MCCC1: variants seen among roughly 807,000 people sequenced by gnomAD.
The protein encoded by MCCC1 is methylcrotonyl-CoA carboxylase subunit 1.
Under a neutral mutation model 83.8 loss-of-function variants are expected in MCCC1, and 64 were observed. The observed-to-expected ratio is 0.76, with a 90% CI of 0.62 to 0.94. MCCC1 has a LOEUF of 0.94. Ranked by LOEUF, MCCC1 falls within the 40% of genes least tolerant of loss-of-function variation. The probability of loss-of-function intolerance (pLI) is 0.00; values close to 1 mark genes in which losing one functional copy is unlikely to be tolerated. For missense variants in MCCC1, 807 were observed against 904.7 expected (o/e 0.89, Z 1.39); for synonymous variants, 322 against 315.4 (o/e 1.02, Z -0.22).
intron 18 of MCCC1, 48 bp from the exon 19 acceptor site, chr3:183,015,614 G>A (rs1711551065): frequency 1.9e-6 from 3 of 1,611,512 alleles, no homozygotes; most frequent in Non-Finnish European, 2.5e-6. Flanking sequence ...TACTAATGAG[G>A]ACTGAGTATA....
chr3:183,058,985 T>C (rs1715631998), intron 7 of MCCC1, among the ~76,000 whole-genome samples: 2 of 152,232 alleles, frequency 1.3e-5, no homozygotes, highest in South Asian at 4.1e-4. Flanking sequence ...GTTTACTTCA[T>C]GAAGTATTTT....
intron 1 of MCCC1, among the ~76,000 whole-genome samples, chr3:183,108,762 G>A (rs1284010114): frequency 2.0e-5 from 3 of 152,148 alleles, no homozygotes; most frequent in Non-Finnish European, 2.9e-5. Flanking sequence ...TGGGGCAAGG[G>A]CAGTTATACT....
Position 183,022,518 on chromosome 3 carries a change from A to T in MCCC1, c.1768T>A (p.Tyr590Asn). The T allele has an allele frequency of 6.2e-7, 1 of 1,613,884 alleles. No homozygotes were observed. Among genetic ancestry groups the T allele is most frequent in the Non-Finnish European group, 8.5e-7 (1 of 1,179,774 alleles). Residue 590 changes from tyrosine (Y) to asparagine (N), a missense_variant, in exon 16 of 19, where the codon TAC (tyrosine) becomes AAC (asparagine). By Grantham distance (143) the Tyr-to-Asn change is moderately radical. Transcript: ENST00000265594. ...DKTFQVLGNL[Y>N]SEGDCTYLKC... ...AGGTAAGTGCAGTCTCCCTCGCTGT[A>T]AAGATTACCAAGGACTTGGAAAGTT...
At chr3:183,098,604 A>G (rs919943924) in intron 1 of MCCC1, 3 of 152,316 alleles carry the variant, frequency 2.0e-5, no homozygotes, top group African/African-American at 7.2e-5. Flanking sequence ...ATAACGATGA[A>G]GCAAAAGAAG....
intron 8 of MCCC1, among the ~76,000 whole-genome samples, chr3:183,052,809 C>CAAAA (rs71185624): frequency 4.5e-5 from 3 of 66,630 alleles, no homozygotes; most frequent in Admixed American, 2.6e-4. Context: ...GACTTTGTCT[C>CAAAA]AAAAAAAAAA....
chr3:183,063,258 A>G (rs1715988491), intron 7 of MCCC1, among the ~76,000 whole-genome samples: 1 of 152,198 alleles, frequency 6.6e-6, no homozygotes, highest in Non-Finnish European at 1.5e-5. Flanking sequence ...CTGTGATTAC[A>G]GGCGTGAGCC....
intron 8 of MCCC1, among the ~76,000 whole-genome samples, chr3:183,053,444 T>C (rs1338802997): frequency 1.3e-5 from 2 of 152,030 alleles, no homozygotes; most frequent in East Asian, 1.9e-4. Context: ...ACCATGTTTG[T>C]GCCACTGCAC....
intron 11 of MCCC1, among the ~76,000 whole-genome samples, chr3:183,040,727 CAAAAACAAACAA>C (rs1363189234): frequency 6.6e-6 from 1 of 151,790 alleles, no homozygotes; most frequent in Non-Finnish European, 1.5e-5. Context: ...GTCTCAAAAA[CAAAAACAAACAA>C]AAAAACAAAC....
At chr3:183,063,390 C>T (rs1032993060) in intron 7 of MCCC1, among the ~76,000 whole-genome samples, 1 of 151,982 alleles carries the variant, frequency 6.6e-6, no homozygotes, top group Non-Finnish European at 1.5e-5. Flanking sequence ...GTTTCTTATC[C>T]CAGTCTTTCA....
intron 7 of MCCC1, among the ~76,000 whole-genome samples, chr3:183,060,551 T>C (rs2108509846): frequency 6.6e-6 from 1 of 152,308 alleles, no homozygotes; most frequent in East Asian, 1.9e-4. Context: ...TTCCATGTTT[T>C]CCAATATGTT....
chr3:183,090,485 G>A (rs1481955329), intron 3 of MCCC1, among the ~76,000 whole-genome samples: 1 of 152,164 alleles, frequency 6.6e-6, no homozygotes, highest in Non-Finnish European at 1.5e-5. Flanking sequence ...TGCACACAAT[G>A]TGGAATGATT....
intron 13 of MCCC1, among the ~76,000 whole-genome samples, chr3:183,035,311 T>C (rs1713476799): frequency 6.6e-6 from 1 of 152,188 alleles, no homozygotes; most frequent in African/African-American, 2.4e-5. Flanking sequence ...AAAATGAGGA[T>C]AGAGCACAAA....
chr3:183,109,901 A>G (rs1294565033), intron 1 of MCCC1, among the ~76,000 whole-genome samples: 1 of 152,184 alleles, frequency 6.6e-6, no homozygotes, highest in Admixed American at 6.5e-5. Context: ...TTTTCTCTAC[A>G]GCCTCACTGT....
At position 183,025,786 on chromosome 3, in the gene MCCC1, G is replaced by A. The variant is rs762639338; in HGVS notation, c.1700C>T (p.Thr567Met). The change falls in exon 15 of 19, where the codon ACG (threonine) becomes ATG (methionine). Residue 567 changes from threonine (T) to methionine (M), a missense_variant. By Grantham distance (81) the Thr-to-Met change is moderately conservative (BLOSUM62 -1). Transcript: ENST00000265594. ...GCTATAAGACCCATCATGGTTATAC[G>A]TTACAGCTATGGCTACATCTTTATG... ...DGKNNVAIAV[T>M]YNHDGSYSMQ... The A allele has an allele frequency of 3.9e-5, 63 of 1,613,534 alleles. No individual in the cohort carries two copies. The highest frequency in any genetic ancestry group is 8.0e-5 in the African/African-American group (6 of 74,886).
chr3:183,025,299 T>G (rs1463378403), intron 15 of MCCC1, among the ~76,000 whole-genome samples: 1 of 152,272 alleles, frequency 6.6e-6, no homozygotes, highest in East Asian at 1.9e-4. Context: ...CTACATTATG[T>G]GTATTTCACC....
At chr3:183,104,105 C>T (rs1407341920), upstream of MCCC1, among the ~76,000 whole-genome samples, 1 of 152,180 alleles carries the variant, frequency 6.6e-6, no homozygotes, top group Non-Finnish European at 1.5e-5. Context: ...CGCGCGCAGC[C>T]CCGGTTCCCG....
chr3:183,018,661 T>C (rs1711893602), intron 17 of MCCC1, among the ~76,000 whole-genome samples: 1 of 150,684 alleles, frequency 6.6e-6, no homozygotes, highest in African/African-American at 2.5e-5. Flanking sequence ...TGAAATCCTT[T>C]CATTTTTTTC....
At chr3:183,068,043 T>C (rs1489035030) in intron 7 of MCCC1, among the ~76,000 whole-genome samples, 1 of 152,152 alleles carries the variant, frequency 6.6e-6, no homozygotes, top group East Asian at 1.9e-4. Flanking sequence ...CATCACCCCA[T>C]TCAGCCTGAA....
At chr3:183,042,066 GCAACA>G (rs1294912250) in intron 10 of MCCC1, among the ~76,000 whole-genome samples, 3 of 152,086 alleles carry the variant, frequency 2.0e-5, no homozygotes, top group Non-Finnish European at 4.4e-5. Flanking sequence ...CTTCTTACTA[GCAACA>G]CACTCTCAGT....
Sources: gnomAD v4.1 joint callset for allele counts (sites outside exome capture counted in the v4.1 genomes callset) on GRCh38, gnomAD v4.1.1 for gene constraint, MANE v1.5 for transcripts, NCBI Gene and HGNC (gene_info 2026-07-23, HGNC 2026-07-21) for gene names.